The following KRABD5 variants were observed in gnomAD, a reference collection of about 807,000 sequenced individuals.
The protein encoded by KRABD5 is KRAB domain-containing protein 5.
At chr16:31,728,935 G>A in the KRABD5 span, among the ~76,000 whole-genome samples, 1 of 152,114 alleles carries the variant, frequency 6.6e-6, no homozygotes, top group Non-Finnish European at 1.5e-5. Flanking sequence ...GTTAATGTAT[G>A]CTTTATATAT....
At chr16:31,760,530 G>A in the KRABD5 span, 1 of 132,136 alleles carries the variant, frequency 7.6e-6, no homozygotes, top group Non-Finnish European at 1.6e-5. Flanking sequence ...ACTGTTTCAG[G>A]GTGAGGGATG....
At chr16:31,755,331 G>A in the KRABD5 span, 2 of 505,102 alleles carry the variant, frequency 4.0e-6, no homozygotes, top group South Asian at 2.9e-5. Context: ...GCCTTTAATT[G>A]TAGTTCACGC....
the KRABD5 span, among the ~76,000 whole-genome samples, chr16:31,716,542 A>T: frequency 6.6e-6 from 1 of 152,104 alleles, no homozygotes; most frequent in Non-Finnish European, 1.5e-5. Flanking sequence ...CACCTGGCTA[A>T]TTTTTGCAAT....
chr16:31,757,188 C>A, the KRABD5 span: 1 of 152,072 alleles, frequency 6.6e-6, no homozygotes, highest in African/African-American at 2.4e-5. Flanking sequence ...TGGTGCTGTC[C>A]AGGTGTGGTG....
chr16:31,751,385 A>G, the KRABD5 span, among the ~76,000 whole-genome samples: 3 of 152,220 alleles, frequency 2.0e-5, no homozygotes, highest in African/African-American at 7.2e-5. Context: ...TACTTCTGAT[A>G]TAATTCAGCT....
chr16:31,726,498 C>T, the KRABD5 span, among the ~76,000 whole-genome samples: 1 of 152,148 alleles, frequency 6.6e-6, no homozygotes, highest in Non-Finnish European at 1.5e-5. Flanking sequence ...CAGTGGCTCA[C>T]ACCTGTAATC....
At chr16:31,719,989 A>C in the KRABD5 span, among the ~76,000 whole-genome samples, 2 of 152,212 alleles carry the variant, frequency 1.3e-5, no homozygotes, top group Non-Finnish European at 2.9e-5. Context: ...GGGAAACAGA[A>C]GAAGAGAGAG....
chr16:31,758,755 C>G, the KRABD5 span: 1 of 143,408 alleles, frequency 7.0e-6, no homozygotes, highest in African/African-American at 2.6e-5. Context: ...GCCTGGGCGA[C>G]AAGAGCAGAA....
At chr16:31,713,585 C>G in the KRABD5 span, 1 of 1,207,206 alleles carries the variant, frequency 8.3e-7, no homozygotes, top group East Asian at 2.9e-5. Flanking sequence ...AGATGGCGGC[C>G]GGGCCGGCAG....
the KRABD5 span, among the ~76,000 whole-genome samples, chr16:31,729,914 T>G: frequency 6.6e-6 from 1 of 152,140 alleles, no homozygotes; most frequent in African/African-American, 2.4e-5. Context: ...TCTATGCTTT[T>G]CCTCCCCTTC....
chr16:31,755,545 A>G, the KRABD5 span: 1 of 462,288 alleles, frequency 2.2e-6, no homozygotes, highest in Non-Finnish European at 4.4e-6. Context: ...CTGGAATGAA[A>G]CCATATATAT....
At chr16:31,725,415 C>G in the KRABD5 span, among the ~76,000 whole-genome samples, 1 of 152,088 alleles carries the variant, frequency 6.6e-6, no homozygotes, top group African/African-American at 2.4e-5. Flanking sequence ...ACTGCTCCTG[C>G]CAGATTGTAT....
At chr16:31,726,716 C>T in the KRABD5 span, among the ~76,000 whole-genome samples, 92,462 of 151,900 alleles carry the variant, frequency 0.61, 29,148 homozygotes, top group Middle Eastern at 0.73. Flanking sequence ...GCCAAGATCA[C>T]GCCACTGCAC....
chr16:31,748,785 T>G, the KRABD5 span, among the ~76,000 whole-genome samples: 2 of 152,140 alleles, frequency 1.3e-5, no homozygotes, highest in African/African-American at 4.8e-5. Context: ...GTGGGAGTTT[T>G]TGTTGTTGTT....
chr16:31,744,090 C>G, the KRABD5 span, among the ~76,000 whole-genome samples: 1 of 152,168 alleles, frequency 6.6e-6, no homozygotes, highest in Admixed American at 6.5e-5. Context: ...TTGACTTCCT[C>G]TCTTCCTATT....
At chr16:31,713,388 G>C in the KRABD5 span, 1 of 1,597,172 alleles carries the variant, frequency 6.3e-7, no homozygotes. Context: ...GGCAGGCACC[G>C]GGAGATCCGT....
At chr16:31,752,634 G>A in the KRABD5 span, among the ~76,000 whole-genome samples, 1 of 152,154 alleles carries the variant, frequency 6.6e-6, no homozygotes, top group African/African-American at 2.4e-5. Context: ...GAGAATCTGA[G>A]GCTATAGTAT....
At chr16:31,751,637 T>G in the KRABD5 span, among the ~76,000 whole-genome samples, 1 of 152,220 alleles carries the variant, frequency 6.6e-6, no homozygotes. Context: ...TGTTTCTGAT[T>G]GTGCTTATCT....
the KRABD5 span, among the ~76,000 whole-genome samples, chr16:31,735,414 T>A: frequency 1.3e-5 from 2 of 152,188 alleles, no homozygotes; most frequent in Non-Finnish European, 2.9e-5. Context: ...TTTCCTTTCT[T>A]TTGGATATAT....
Sources: allele counts gnomAD v4.1 joint callset (sites outside exome capture counted in the v4.1 genomes callset), GRCh38; gene constraint gnomAD v4.1.1; transcripts MANE v1.5; gene names NCBI Gene and HGNC (gene_info 2026-07-23, HGNC 2026-07-21).